RGS6: variants seen among roughly 807,000 people sequenced by gnomAD.
The protein encoded by RGS6 is regulator of G protein signaling 6, also known as regulator of G-protein signaling 6.
Under a neutral mutation model 78.5 loss-of-function variants are expected in RGS6, and 30 were observed. The observed-to-expected ratio is 0.38, with a 90% CI of 0.29 to 0.52. The LOEUF (loss-of-function observed/expected upper bound fraction) is 0.52. Among genes scored for constraint, RGS6 ranks in the 20% least tolerant of loss-of-function variants. The pLI is 0.85. For missense variants in RGS6, 495 were observed against 609.7 expected (o/e 0.81, Z 1.98); for synonymous variants, 206 against 206.0 (o/e 1.00, Z 0.00).
At chr14:72,517,130 A>C (rs2096956892) in intron 14 of RGS6, among the ~76,000 whole-genome samples, 1 of 107,480 alleles carries the variant, frequency 9.3e-6, no homozygotes, top group African/African-American at 2.9e-5. Flanking sequence ...AAACATGTTT[A>C]ACCCTAAAAA....
chr14:71,899,972 C>A, the RGS6 span, among the ~76,000 whole-genome samples: 1 of 152,226 alleles, frequency 6.6e-6, no homozygotes, highest in African/African-American at 2.4e-5. Context: ...GACATTAACT[C>A]AACTTAAATC....
chr14:72,214,090 T>TC (rs2044888482), intron 2 of RGS6, among the ~76,000 whole-genome samples: 1 of 151,276 alleles, frequency 6.6e-6, no homozygotes, highest in African/African-American at 2.4e-5. Context: ...TTTATGCATT[T>TC]TGAGTTACAT....
chr14:72,528,095 T>C (rs1309295482), intron 15 of RGS6, among the ~76,000 whole-genome samples: 1 of 152,178 alleles, frequency 6.6e-6, no homozygotes, highest in African/African-American at 2.4e-5. Flanking sequence ...GCTGCATGCT[T>C]GTGGCCCAGG....
At chr14:72,362,648 A>C (rs1483982150) in intron 3 of RGS6, among the ~76,000 whole-genome samples, 1 of 152,198 alleles carries the variant, frequency 6.6e-6, no homozygotes, top group Non-Finnish European at 1.5e-5. Context: ...TTAGGGTTCC[A>C]AGCAGGACAG....
intron 2 of RGS6, among the ~76,000 whole-genome samples, chr14:72,279,779 G>A (rs1004051108): frequency 6.6e-6 from 1 of 152,134 alleles, no homozygotes; most frequent in African/African-American, 2.4e-5. Flanking sequence ...AAAGGACAAG[G>A]GTGGCAATTG....
At chr14:72,247,349 A>G (rs938071600) in intron 2 of RGS6, among the ~76,000 whole-genome samples, 2 of 152,230 alleles carry the variant, frequency 1.3e-5, no homozygotes, top group African/African-American at 4.8e-5. Flanking sequence ...TGTAGAAACC[A>G]GCTCAAATCC....
chr14:72,629,710 G>A, the RGS6 span: 1 of 1,536,076 alleles, frequency 6.5e-7, no homozygotes, highest in Non-Finnish European at 8.7e-7. Context: ...GTCATGTTCA[G>A]GGTAAACTGC....
chr14:72,495,419 A>AC (rs2096631985), intron 13 of RGS6, among the ~76,000 whole-genome samples, 157 bp downstream of exon 13: 1 of 152,082 alleles, frequency 6.6e-6, no homozygotes, highest in Non-Finnish European at 1.5e-5. Flanking sequence ...TACAGTTTCT[A>AC]CCTCCTTATA....
the RGS6 span, among the ~76,000 whole-genome samples, chr14:72,619,607 C>T: frequency 2.0e-5 from 3 of 152,156 alleles, no homozygotes; most frequent in South Asian, 4.1e-4. Flanking sequence ...CTAGTGTCGC[C>T]GGGCCTGCGC....
intron 2 of RGS6, among the ~76,000 whole-genome samples, chr14:72,150,890 G>A (rs1387029121): frequency 6.6e-6 from 1 of 152,104 alleles, no homozygotes; most frequent in Non-Finnish European, 1.5e-5. Flanking sequence ...GGAAAATATG[G>A]GTGTTGGTTT....
chr14:72,486,040 TC>T (rs2096483159), intron 12 of RGS6, among the ~76,000 whole-genome samples: 1 of 152,110 alleles, frequency 6.6e-6, no homozygotes, highest in South Asian at 2.1e-4. Flanking sequence ...GCTGGTGTTT[TC>T]CCCCATGCTA....
chr14:72,583,996 C>A, the RGS6 span, among the ~76,000 whole-genome samples: 2 of 152,172 alleles, frequency 1.3e-5, no homozygotes, highest in Non-Finnish European at 1.5e-5. Context: ...GAGAAAGAAT[C>A]ATCATCCAAG....
At chr14:72,116,693 G>A (rs1432615683) in intron 2 of RGS6, among the ~76,000 whole-genome samples, 4 of 152,112 alleles carry the variant, frequency 2.6e-5, no homozygotes, top group African/African-American at 9.7e-5. Flanking sequence ...GCTGGGTGCA[G>A]TGGCTCATGC....
At chr14:71,996,021 C>G (rs2095187622) in intron 2 of RGS6, among the ~76,000 whole-genome samples, 1 of 152,164 alleles carries the variant, frequency 6.6e-6, no homozygotes, top group South Asian at 2.1e-4. Flanking sequence ...CCGAGGCCTT[C>G]CGAGTCACCG....
chr14:72,159,443 A>C (rs1226768688), intron 2 of RGS6, among the ~76,000 whole-genome samples: 1 of 152,194 alleles, frequency 6.6e-6, no homozygotes, highest in African/African-American at 2.4e-5. Flanking sequence ...CTCAAAGCAG[A>C]ACTTTGCCTC....
chr14:72,459,811 T>G (rs1444482074), intron 6 of RGS6, 128 bp downstream of exon 6: 1 of 882,382 alleles, frequency 1.1e-6, no homozygotes, highest in African/African-American at 1.6e-5. Flanking sequence ...GCTTAGTCCT[T>G]TCTCATATTG....
At chr14:71,871,168 T>G in the RGS6 span, among the ~76,000 whole-genome samples, 476 of 152,212 alleles carry the variant, frequency 3.1e-3, 1 homozygote, top group Admixed American at 8.2e-3. Flanking sequence ...TACCTGCTAT[T>G]TGGGGGGTGA....
At chr14:72,161,817 T>G (rs17108329) in intron 2 of RGS6, among the ~76,000 whole-genome samples, 1 of 152,198 alleles carries the variant, frequency 6.6e-6, no homozygotes, top group Non-Finnish European at 1.5e-5. Context: ...GGATAACAGA[T>G]GAGAAAAAGC....
intron 13 of RGS6, among the ~76,000 whole-genome samples, chr14:72,500,429 T>C (rs917176329): frequency 1.3e-5 from 2 of 152,328 alleles, no homozygotes; most frequent in Admixed American, 6.5e-5. Flanking sequence ...CAAGGGATGG[T>C]TTCTGTCCAC....
Sources: gnomAD v4.1 joint callset for allele counts (sites outside exome capture counted in the v4.1 genomes callset) on GRCh38, gnomAD v4.1.1 for gene constraint, MANE v1.5 for transcripts, NCBI Gene and HGNC (gene_info 2026-07-23, HGNC 2026-07-21) for gene names.